Variants in SMCO4 observed in about 807,000 individuals in gnomAD.
SMCO4 encodes the protein single-pass membrane and coiled-coil domain-containing protein 4.
SMCO4 carries 4 observed loss-of-function variants against 3.6 expected under a neutral mutation model. The observed-to-expected ratio is 1.11, with a 90% confidence interval of 0.54 to 2.53. SMCO4 has a LOEUF of 2.53. Among genes scored for constraint, SMCO4 ranks in the 30% most tolerant of loss-of-function variants. The probability of loss-of-function intolerance (pLI) is 0.02; values close to 1 mark genes in which losing one functional copy is unlikely to be tolerated. For synonymous variants in SMCO4, 36 were observed against 35.3 expected (o/e 1.02, Z -0.07); for missense variants, 70 against 80.8 (o/e 0.87, Z 0.51).
Position 93,543,179 on chromosome 11 carries a change from G to A in SMCO4, c.-154+97C>T, listed in dbSNP as rs911447992. On this transcript the variant is annotated intron_variant, in intron 1 of 2. Coordinates refer to ENST00000298966, the MANE Select transcript of SMCO4 (RefSeq NM_020179.3). ...GTGGCGGGAACCGTACTGTCCCGGC[G>A]CCGCACCCCCGCCCGGTGCCCGGTG... 164 of 146,482 alleles carry A rather than the reference G, an allele frequency of 1.1e-3. 1 individual carries two copies. The highest frequency in any genetic ancestry group is 7.5e-3 in the Middle Eastern group (2 of 268). 9.1% of individuals were successfully genotyped at this position (146,482 alleles called of 1,614,324 possible).
intron 1 of SMCO4, among the ~76,000 whole-genome samples, chr11:93,535,053 G>A (rs1402120034): frequency 6.6e-6 from 1 of 152,174 alleles, no homozygotes; most frequent in Non-Finnish European, 1.5e-5. Flanking sequence ...CAATCTTTAA[G>A]TGTCTTCCCA....
chr11:93,513,623 G>C (rs1948978596), intron 1 of SMCO4, among the ~76,000 whole-genome samples: 1 of 152,164 alleles, frequency 6.6e-6, no homozygotes, highest in African/African-American at 2.4e-5. Flanking sequence ...TGCCAATTTT[G>C]AGATGGAGGG....
At position 93,487,567 on chromosome 11, in the gene SMCO4, A is replaced by C. The variant is rs374569443; in HGVS notation, c.-80-8298T>G. On this transcript the variant is annotated intron_variant, in intron 2 of 2. Transcript: ENST00000298966. The stretch of plus-strand genomic sequence containing the variant: ...AGTGGCAGCAGCACTGACTACTCCC[A>C]AATAAAAATCCAGAAACACAAAAGA... 1.7e-4 allele frequency among the ~76,000 whole-genome samples: 26 copies of C among 152,332 alleles called. No individual in the cohort carries two copies. The East Asian group carries it at 2.5e-3, about 15-fold the overall frequency.
chr11:93,514,180 G>A (rs913106922), intron 1 of SMCO4, among the ~76,000 whole-genome samples: 1 of 151,768 alleles, frequency 6.6e-6, no homozygotes, highest in African/African-American at 2.4e-5. Flanking sequence ...TGGAAGGAGG[G>A]ATACAGAATC....
chr11:93,488,653 G>A (rs192309209), intron 2 of SMCO4, among the ~76,000 whole-genome samples: 1 of 152,238 alleles, frequency 6.6e-6, no homozygotes, highest in Non-Finnish European at 1.5e-5. Flanking sequence ...GAGGCGGGTG[G>A]GGACAGCTGG....
intron 1 of SMCO4, among the ~76,000 whole-genome samples, chr11:93,536,064 G>C (rs1261118009): frequency 6.6e-6 from 1 of 151,924 alleles, no homozygotes; most frequent in Non-Finnish European, 1.5e-5. Flanking sequence ...AAAAGTCTCC[G>C]TAGACATCTC....
At chr11:93,545,240 G>T (rs1949306264), upstream of SMCO4, among the ~76,000 whole-genome samples, 1 of 152,156 alleles carries the variant, frequency 6.6e-6, no homozygotes, top group Non-Finnish European at 1.5e-5. Flanking sequence ...CCTTAATAAG[G>T]TGACTCCACA....
chr11:93,545,221 G>T (rs1317735679), upstream of SMCO4, among the ~76,000 whole-genome samples: 1 of 152,154 alleles, frequency 6.6e-6, no homozygotes, highest in Non-Finnish European at 1.5e-5. Context: ...ACTGATGTAG[G>T]ACTCAGTCCC....
At chr11:93,521,892 G>A (rs1949060969) in intron 1 of SMCO4, among the ~76,000 whole-genome samples, 1 of 152,170 alleles carries the variant, frequency 6.6e-6, no homozygotes, top group Admixed American at 6.5e-5. Flanking sequence ...TTTGATCATT[G>A]ATCCACAGTC....
At chr11:93,551,884 G>A in the SMCO4 span, among the ~76,000 whole-genome samples, 7 of 152,178 alleles carry the variant, frequency 4.6e-5, no homozygotes, top group Non-Finnish European at 1.0e-4. Context: ...GAGCATTGGT[G>A]TAGAAGTACT....
chr11:93,479,708 C>A (rs1259424793), intron 2 of SMCO4, among the ~76,000 whole-genome samples: 1 of 152,204 alleles, frequency 6.6e-6, no homozygotes, highest in African/African-American at 2.4e-5. Flanking sequence ...AGGCACGTAG[C>A]CCCCTTCCTG....
At chr11:93,511,661 T>C (rs2134610025) in intron 1 of SMCO4, among the ~76,000 whole-genome samples, 1 of 152,284 alleles carries the variant, frequency 6.6e-6, no homozygotes, top group Non-Finnish European at 1.5e-5. Flanking sequence ...AGGGTGTGCT[T>C]ATCACCTTGT....
intron 2 of SMCO4, among the ~76,000 whole-genome samples, chr11:93,498,390 C>A (rs1171129441): frequency 2.0e-5 from 3 of 152,138 alleles, no homozygotes; most frequent in African/African-American, 7.2e-5. Context: ...GAGCATGGCA[C>A]AGATGGAGAA....
chr11:93,540,827 A>G (rs1400899772), intron 1 of SMCO4, among the ~76,000 whole-genome samples: 1 of 152,190 alleles, frequency 6.6e-6, no homozygotes, highest in African/African-American at 2.4e-5. Context: ...GACTCAACCT[A>G]ATTAATCAAG....
intron 1 of SMCO4, among the ~76,000 whole-genome samples, chr11:93,526,453 G>T (rs575196453): frequency 6.6e-6 from 1 of 152,072 alleles, no homozygotes; most frequent in African/African-American, 2.4e-5. Context: ...AATTTGGCAG[G>T]GACAAATTCC....
intron 1 of SMCO4, among the ~76,000 whole-genome samples, chr11:93,510,051 C>A (rs1010329629): frequency 6.6e-6 from 1 of 152,170 alleles, no homozygotes; most frequent in Admixed American, 6.5e-5. Context: ...AAACAGGAGA[C>A]CGCGTCAAGT....
At chr11:93,491,488 C>T (rs1452422647) in intron 2 of SMCO4, among the ~76,000 whole-genome samples, 1 of 152,182 alleles carries the variant, frequency 6.6e-6, no homozygotes, top group African/African-American at 2.4e-5. Context: ...CATCCCCGTG[C>T]TGTTGGCTCT....
At chr11:93,509,587 A>G (rs1948939745) in intron 1 of SMCO4, among the ~76,000 whole-genome samples, 1 of 152,234 alleles carries the variant, frequency 6.6e-6, no homozygotes, top group Non-Finnish European at 1.5e-5. Flanking sequence ...TCAATCAACG[A>G]GTGGATAAAG....
intron 1 of SMCO4, among the ~76,000 whole-genome samples, chr11:93,520,629 G>A (rs1244686773): frequency 6.6e-6 from 1 of 152,196 alleles, no homozygotes; most frequent in African/African-American, 2.4e-5. Flanking sequence ...TTGACCATTA[G>A]ATAATTTTTC....
Sources: allele counts gnomAD v4.1 joint callset (sites outside exome capture counted in the v4.1 genomes callset), GRCh38; gene constraint gnomAD v4.1.1; transcripts MANE v1.5; gene names NCBI Gene and HGNC (gene_info 2026-07-23, HGNC 2026-07-21).